CNTRL: variants seen among roughly 807,000 people sequenced by gnomAD.
CNTRL encodes the protein centriolin, also known as 110 kDa centrosomal protein.
CNTRL carries 233 observed loss-of-function variants against 303.7 expected under a neutral mutation model. The ratio of observed to expected loss-of-function variants is 0.77; its 90% CI spans 0.69 to 0.86. CNTRL has a LOEUF of 0.86. Ranked by LOEUF, CNTRL falls within the 40% of genes least tolerant of loss-of-function variation. The pLI, the probability that CNTRL is intolerant of heterozygous loss-of-function variation, is 0.00. For missense variants in CNTRL, 2,524 were observed against 2,650.6 expected (o/e 0.95, Z 1.05); for synonymous variants, 900 against 922.2 (o/e 0.98, Z 0.44).
At chr9:121,114,639 C>T (rs1374712200) in intron 10 of CNTRL, among the ~76,000 whole-genome samples, 1 of 152,106 alleles carries the variant, frequency 6.6e-6, no homozygotes, top group African/African-American at 2.4e-5. Flanking sequence ...TTGAGATCAT[C>T]AACAGCTGGG....
At chr9:121,121,599 C>G (rs553531468) in intron 12 of CNTRL, among the ~76,000 whole-genome samples, 1 of 152,144 alleles carries the variant, frequency 6.6e-6, no homozygotes, top group African/African-American at 2.4e-5. Flanking sequence ...TGGGAAATGT[C>G]CTATTGGAAG....
chr9:121,132,848 G>A (rs756143331), intron 14 of CNTRL, among the ~76,000 whole-genome samples: 1 of 152,116 alleles, frequency 6.6e-6, no homozygotes, highest in Non-Finnish European at 1.5e-5. Context: ...TTGATGTTAA[G>A]GCTATTCCTT....
chr9:121,096,635 T>TA, intron 6 of CNTRL, 72 bp downstream of exon 6: 1 of 1,219,872 alleles, frequency 8.2e-7, no homozygotes, highest in Non-Finnish European at 1.1e-6. Flanking sequence ...CTAAGTTTTT[T>TA]AAAAATGGGA....
chr9:121,173,831 C>A, intron 42 of CNTRL, 94 bp downstream of exon 42: 1 of 1,165,950 alleles, frequency 8.6e-7, no homozygotes, highest in Non-Finnish European at 1.3e-6. Context: ...CTTTCACATC[C>A]ATGCTGTTGC....
chr9:121,158,946 A>C lies in CNTRL; in HGVS notation c.4856A>C (p.Gln1619Pro), dbSNP rs746652782. ...ELHLLQGSMV[Q>P]AKADLQEALR... Reference sequence around the variant, plus strand: ...CATCTACTCCAAGGAAGCATGGTCCAGGCAAAAGCTGACCTCCAGGAAGCT... The same window carrying C: ...CATCTACTCCAAGGAAGCATGGTCCCGGCAAAAGCTGACCTCCAGGAAGCT... Residue 1619 changes from glutamine (Q) to proline (P), a missense_variant, in exon 31 of 44, where the codon CAG becomes CCG. Transcript: ENST00000373855. The C allele has an allele frequency of 1.1e-5, 18 of 1,614,230 alleles. No individual in the cohort carries two copies. The highest frequency in any genetic ancestry group is 1.3e-5 in the African/African-American group (1 of 75,068).
chr9:121,119,080 A>ATGTGTGTGTG lies in CNTRL; in HGVS notation c.1650+558_1650+567dup, dbSNP rs3047904. Among the ~76,000 whole-genome samples the ATGTGTGTGTG allele has an allele frequency of 2.2e-4, 33 of 148,546 alleles. No individual in the cohort carries two copies. The East Asian group carries it at 3.4e-3, about 15-fold the overall frequency. On this transcript the variant is annotated intron_variant, in intron 12 of 43. Transcript: ENST00000373855. ...ATATATGTGTATTATACATAAATAT[A>ATGTGTGTGTG]TGTGTGTGTGTGTGTGTGTGTGTGT...
intron 27 of CNTRL, among the ~76,000 whole-genome samples, chr9:121,156,206 T>TATATA (rs2052560967): frequency 6.6e-6 from 1 of 151,910 alleles, no homozygotes; most frequent in Non-Finnish European, 1.5e-5. Context: ...TTAATATATA[T>TATATA]AGGTATAGAT....
intron 11 of CNTRL, among the ~76,000 whole-genome samples, chr9:121,115,753 A>T (rs980635099): frequency 3.9e-5 from 6 of 152,246 alleles, no homozygotes; most frequent in Non-Finnish European, 7.3e-5. Flanking sequence ...TTAAATGGGT[A>T]AAAAGGTTTT....
chr9:121,108,737 C>A (rs1458459857), intron 8 of CNTRL, among the ~76,000 whole-genome samples: 1 of 151,946 alleles, frequency 6.6e-6, no homozygotes, highest in Admixed American at 6.6e-5. Flanking sequence ...AATTCAACAT[C>A]AGCCTGGGCA....
intron 1 of CNTRL, among the ~76,000 whole-genome samples, chr9:121,078,175 G>A (rs955233927): frequency 2.0e-5 from 3 of 152,150 alleles, no homozygotes; most frequent in African/African-American, 7.2e-5. Flanking sequence ...GGGAGGCCGA[G>A]GTGGGTGGAT....
At chr9:121,142,454 T>G (rs937100836) in intron 19 of CNTRL, among the ~76,000 whole-genome samples, 184 bp downstream of exon 19, 2 of 152,234 alleles carry the variant, frequency 1.3e-5, no homozygotes, top group African/African-American at 4.8e-5. Flanking sequence ...TAAGACCATG[T>G]GTTGTGGTAG....
rs1643445624 is a variant in CNTRL, at chr9:121,097,070, A to G, written c.621+507A>G. Among the ~76,000 whole-genome samples the G allele has an allele frequency of 3.9e-5, 6 of 152,230 alleles. No individual in the cohort carries two copies. The South Asian group carries it at 1.0e-3, about 26-fold the overall frequency. On this transcript the variant is annotated intron_variant, in intron 6 of 43. Coordinates refer to ENST00000373855, the MANE Select transcript of CNTRL (RefSeq NM_007018.6). ...GGAGGTTGATCACTAGCTTTTCATA[A>G]TAGAGCAACTTTGTTATGATTTACA...
intron 36 of CNTRL, among the ~76,000 whole-genome samples, chr9:121,166,696 A>G (rs1030315445): frequency 2.6e-5 from 4 of 152,184 alleles, no homozygotes; most frequent in African/African-American, 9.7e-5. Flanking sequence ...AAGCACTTCA[A>G]ACAAGTTCTA....
At chr9:121,122,540 CTCT>C (rs2050287886) in intron 12 of CNTRL, 1 of 328,682 alleles carries the variant, frequency 3.0e-6, no homozygotes, top group African/African-American at 2.2e-5. Flanking sequence ...CGATAACTTT[CTCT>C]TCATTTATTG....
chr9:121,176,341 A>G (rs2053523083), intron 43 of CNTRL, among the ~76,000 whole-genome samples: 1 of 152,222 alleles, frequency 6.6e-6, no homozygotes, highest in Non-Finnish European at 1.5e-5. Flanking sequence ...AATGTGCCCA[A>G]GGTGGGCAAG....
chr9:121,126,086 T>C (rs2050507118), intron 14 of CNTRL, 150 bp downstream of exon 14: 1 of 614,280 alleles, frequency 1.6e-6, no homozygotes, highest in East Asian at 2.8e-5. Context: ...TTGGGCTTTT[T>C]TTTTTCTTCT....
In CNTRL at chr9:121,115,094, A is replaced by G. The variant is rs200691914; in HGVS notation, c.1349A>G (p.Gln450Arg). ...AGCATGGTTTTTAAATTTGCAGCAC[A>G]AACTCGACTATCAGAACTGCATGAT... The part of the protein sequence containing the change: ...EDKEKKISAA[Q>R]TRLSELHDEI... The change falls in exon 11 of 44, where the codon CAA (glutamine) becomes CGA (arginine). Residue 450 changes from glutamine to arginine, a missense_variant. Physicochemically the swap from Gln to Arg is conservative, Grantham distance 43 (BLOSUM62 1). Transcript: ENST00000373855. 114 of 1,584,352 alleles carry G rather than the reference A, an allele frequency of 7.2e-5. 1 individual carries two copies. Among genetic ancestry groups the G allele is most frequent in the Non-Finnish European group, 6.3e-5 (74 of 1,165,918 alleles).
At chr9:121,175,720 A>G (rs1564312623) in intron 43 of CNTRL, among the ~76,000 whole-genome samples, 1 of 152,254 alleles carries the variant, frequency 6.6e-6, no homozygotes, top group Non-Finnish European at 1.5e-5. Flanking sequence ...TGGTAGAGGT[A>G]GATAAGCTGA....
Position 121,119,472 on chromosome 9 carries a change from T to C in CNTRL, c.1650+932T>C, listed in dbSNP as rs370047491. ...CACCACGCCTGGCTGATTTTTGTAT[T>C]TTTAGTAGAGACAAGGTCTCACCAT... On this transcript the variant is annotated intron_variant, in intron 12 of 43. Transcript: ENST00000373855. Among the ~76,000 whole-genome samples the C allele has an allele frequency of 2.4e-4, 37 of 152,032 alleles. No homozygotes were observed. The South Asian group carries it at 3.1e-3, about 13-fold the overall frequency.
Sources: allele counts gnomAD v4.1 joint callset (sites outside exome capture counted in the v4.1 genomes callset), GRCh38; gene constraint gnomAD v4.1.1; transcripts MANE v1.5; gene names NCBI Gene and HGNC (gene_info 2026-07-23, HGNC 2026-07-21).